The following IL19 variants were observed in gnomAD, a reference collection of about 807,000 sequenced individuals.
IL19 encodes the protein interleukin-19.
IL19 carries 15 observed loss-of-function variants against 19.5 expected under a neutral mutation model. The observed-to-expected ratio is 0.77, with a 90% CI of 0.52 to 1.19. The LOEUF is 1.19. Ranked by LOEUF, IL19 falls within the 50% of genes most tolerant of loss-of-function variation. The pLI is 0.00. For missense variants in IL19, 199 were observed against 213.1 expected, an observed-to-expected ratio of 0.93 and a Z score of 0.41; for synonymous variants, 78 against 78.3, an observed-to-expected ratio of 1.00 and a Z score of 0.02.
rs1454980197 is a variant in IL19, at chr1:206,833,679, G to T, written c.-2-2982G>T. 5 of 985,450 alleles carry T rather than the reference G, an allele frequency of 5.1e-6. No homozygotes were observed. In the East Asian group the frequency reaches 4.5e-4, roughly 88 times the overall value. The allele number at this position is 985,450 out of a possible 1,614,324, so 61.0% of individuals were successfully genotyped here. On this transcript the variant is annotated intron_variant, in intron 2 of 6. Coordinates refer to ENST00000659997, the MANE Select transcript of IL19 (RefSeq NM_153758.5). ...AATAAGGATTTCAGGTCCTGGCTCT[G>T]CCACTGGCTGATCTTAAACCTCTCT...
At chr1:206,830,008 C>T (rs1676547932) in intron 2 of IL19, among the ~76,000 whole-genome samples, 1 of 152,194 alleles carries the variant, frequency 6.6e-6, no homozygotes, top group Non-Finnish European at 1.5e-5. Flanking sequence ...TGGGTAATGA[C>T]AAGTCAGAAC....
intron 2 of IL19, among the ~76,000 whole-genome samples, chr1:206,835,287 A>G (rs1161490943): frequency 6.6e-6 from 1 of 152,138 alleles, no homozygotes; most frequent in Admixed American, 6.5e-5. Context: ...CTCTCTACAA[A>G]CTTCCCTGGC....
intron 4 of IL19, among the ~76,000 whole-genome samples, chr1:206,838,169 G>A (rs916067360): frequency 1.3e-5 from 2 of 152,202 alleles, no homozygotes; most frequent in Non-Finnish European, 2.9e-5. Context: ...GACAAGATCT[G>A]CCCAATCATC....
intron 1 of IL19, among the ~76,000 whole-genome samples, chr1:206,785,679 C>T (rs142033326): frequency 2.0e-4 from 30 of 152,322 alleles, no homozygotes; most frequent in Admixed American, 1.0e-3. Flanking sequence ...TGACCCAAGA[C>T]GACCTCGACT....
intron 1 of IL19, among the ~76,000 whole-genome samples, chr1:206,784,504 C>A (rs1675220089): frequency 6.6e-6 from 1 of 152,176 alleles, no homozygotes; most frequent in South Asian, 2.1e-4. Flanking sequence ...GCAGCTTTTG[C>A]GTGTGTTCAC....
intron 1 of IL19, among the ~76,000 whole-genome samples, chr1:206,783,914 T>A (rs547413627): frequency 8.7e-4 from 133 of 152,352 alleles, no homozygotes; most frequent in Non-Finnish European, 1.6e-3. Flanking sequence ...CTGTACACAA[T>A]GCTTGGATGA....
intron 2 of IL19, among the ~76,000 whole-genome samples, chr1:206,802,489 T>C (rs957431899): frequency 6.6e-6 from 1 of 152,096 alleles, no homozygotes; most frequent in Non-Finnish European, 1.5e-5. Flanking sequence ...GGAAACTAAA[T>C]GTCAGAGAGT....
chr1:206,836,417 C>G (rs567087379), intron 2 of IL19, among the ~76,000 whole-genome samples: 20 of 135,030 alleles, frequency 1.5e-4, no homozygotes, highest in African/African-American at 5.4e-4. Flanking sequence ...AGTGGTGTAT[C>G]GTGTTTTCTG....
intron 1 of IL19, among the ~76,000 whole-genome samples, chr1:206,793,710 GA>G (rs1276835963): frequency 6.6e-6 from 1 of 152,172 alleles, no homozygotes; most frequent in Non-Finnish European, 1.5e-5. Flanking sequence ...ACACGAGGCA[GA>G]AAAAAATAAT....
intron 2 of IL19, among the ~76,000 whole-genome samples, chr1:206,801,721 CTGTTCTTATGTTCATAT>C (rs1473055563): frequency 3.3e-5 from 5 of 152,236 alleles, no homozygotes; most frequent in Admixed American, 6.5e-5. Flanking sequence ...GGACAGTTAT[CTGTTCTTATGTTCATAT>C]TGTTCTTATG....
intron 2 of IL19, among the ~76,000 whole-genome samples, chr1:206,810,714 G>A (rs1014009098): frequency 6.6e-6 from 1 of 152,142 alleles, no homozygotes; most frequent in Non-Finnish European, 1.5e-5. Flanking sequence ...GACATAGTTT[G>A]GATGCCTGTC....
In IL19 at chr1:206,842,926, T is replaced by C. The variant is rs1269966430; in HGVS notation, c.*304T>C. 8.5e-6 allele frequency: 2 copies of C among 236,120 alleles called. No individual in the cohort carries two copies. The highest frequency in any genetic ancestry group is 1.7e-5 in the Non-Finnish European group (2 of 121,088). 14.6% of individuals were successfully genotyped at this position (236,120 alleles called of 1,614,324 possible). ...GTGATGTGAGCCAAGTGATATCCTGTAGTACACATTGTACTGAGTGGTTTT... is the reference window on the plus strand; with the variant it reads ...GTGATGTGAGCCAAGTGATATCCTGCAGTACACATTGTACTGAGTGGTTTT... On this transcript the variant is annotated 3_prime_UTR_variant, in exon 7 of 7. Coordinates refer to ENST00000659997, the MANE Select transcript of IL19 (RefSeq NM_153758.5).
intron 2 of IL19, among the ~76,000 whole-genome samples, chr1:206,821,888 G>A (rs1189085907): frequency 6.6e-6 from 1 of 152,188 alleles, no homozygotes; most frequent in African/African-American, 2.4e-5. Context: ...GAAAGGGTTT[G>A]GTCTGCACCT....
Position 206,842,914 on chromosome 1 carries a change from A to T in IL19, c.*292A>T. On this transcript the variant is annotated 3_prime_UTR_variant, in exon 7 of 7. Transcript: ENST00000659997. ...TAGTCCATGTCTGTGATGTGAGCCA[A>T]GTGATATCCTGTAGTACACATTGTA... 3.6e-6 allele frequency: 1 copy of T among 275,698 alleles called. No homozygotes were observed. Among genetic ancestry groups the T allele is most frequent in the Non-Finnish European group, 6.9e-6 (1 of 145,136 alleles). The allele number at this position is 275,698 out of a possible 1,614,324, so 17.1% of individuals were successfully genotyped here.
At chr1:206,809,661 C>T (rs976604668) in intron 2 of IL19, among the ~76,000 whole-genome samples, 1 of 152,102 alleles carries the variant, frequency 6.6e-6, no homozygotes, top group African/African-American at 2.4e-5. Flanking sequence ...AAGTATAAGG[C>T]GGGTTGTGCA....
chr1:206,785,521 G>A (rs1218546947), intron 1 of IL19, among the ~76,000 whole-genome samples: 1 of 152,192 alleles, frequency 6.6e-6, no homozygotes. Context: ...GGACAGGTGG[G>A]GAGGAGAGTA....
chr1:206,822,404 T>C (rs369069344), intron 2 of IL19, among the ~76,000 whole-genome samples: 1 of 152,156 alleles, frequency 6.6e-6, no homozygotes, highest in Admixed American at 6.5e-5. Context: ...CTACTTGTGC[T>C]CCTCTTCCAT....
intron 1 of IL19, among the ~76,000 whole-genome samples, chr1:206,773,485 A>C (rs56234806): frequency 5.3e-5 from 8 of 152,178 alleles, no homozygotes; most frequent in Non-Finnish European, 8.8e-5. Context: ...CAAGGAAAAG[A>C]AGTCAGGATT....
chr1:206,779,193 T>C (rs1256122446), intron 1 of IL19, among the ~76,000 whole-genome samples: 1 of 152,150 alleles, frequency 6.6e-6, no homozygotes, highest in Non-Finnish European at 1.5e-5. Flanking sequence ...ATGCTCTCCA[T>C]TATCTTGAGC....
Sources: allele counts gnomAD v4.1 joint callset (sites outside exome capture counted in the v4.1 genomes callset), GRCh38; gene constraint gnomAD v4.1.1; transcripts MANE v1.5; gene names NCBI Gene and HGNC (gene_info 2026-07-23, HGNC 2026-07-21).